Variants in SLC24A2 observed in about 807,000 individuals in gnomAD.
SLC24A2 encodes solute carrier family 24 member 2, also known as sodium/potassium/calcium exchanger 2.
SLC24A2 carries 36 observed loss-of-function variants against 62.0 expected under a neutral mutation model. The observed-to-expected ratio is 0.58, with a 90% CI of 0.44 to 0.77. The LOEUF is 0.77. SLC24A2 is among the 30% of genes least tolerant of loss of function. The pLI, the probability that SLC24A2 is intolerant of heterozygous loss-of-function variation, is 0.00. For synonymous variants in SLC24A2, 358 were observed against 294.0 expected (o/e 1.22, Z -2.23); for missense variants, 846 against 817.9 (o/e 1.03, Z -0.42).
the SLC24A2 span, among the ~76,000 whole-genome samples, chr9:19,892,929 T>G: frequency 1.3e-5 from 2 of 152,142 alleles, no homozygotes; most frequent in South Asian, 4.1e-4. Context: ...CCAAGTCCCC[T>G]TAGATCATGA....
chr9:19,516,364 C>T lies in SLC24A2; in HGVS notation c.1775G>A (p.Arg592Lys), dbSNP rs1230144899. 8 of 1,613,964 alleles carry T rather than the reference C, an allele frequency of 5.0e-6. No individual in the cohort carries two copies. The highest frequency in any genetic ancestry group is 6.8e-6 in the Non-Finnish European group (8 of 1,180,000). ...LPWLLYTVIH[R>K]FQPVAVSSNG... ...GCTGCTGACAGCCACTGGCTGGAAT[C>T]TGTGAATGACGGTGTACAGGAGCCA... Residue 592 changes from arginine (R) to lysine (K), a missense_variant, in exon 11 of 11, where the codon AGA (arginine) becomes AAA (lysine). Arg to Lys is a conservative substitution (Grantham distance 26, BLOSUM62 2). Transcript: ENST00000341998.
chr9:19,886,930 T>C, the SLC24A2 span, among the ~76,000 whole-genome samples: 1 of 152,182 alleles, frequency 6.6e-6, no homozygotes. Context: ...GCAGCCATTA[T>C]ACTCAGCAAA....
At chr9:19,837,405 T>C in the SLC24A2 span, among the ~76,000 whole-genome samples, 6 of 130,224 alleles carry the variant, frequency 4.6e-5, no homozygotes, top group East Asian at 7.0e-4. Flanking sequence ...TGAGCCGAGA[T>C]TGCGCCACTG....
At position 19,512,594 on chromosome 9, in the gene SLC24A2, A is replaced by T. The variant is rs1175019424; in HGVS notation, c.*3559T>A. Reference sequence around the variant, plus strand: ...GCATGGGCATTCTCAGATGCAATTTAGGAGTTTCTATTTGGGAATTGTCAG... The same window carrying T: ...GCATGGGCATTCTCAGATGCAATTTTGGAGTTTCTATTTGGGAATTGTCAG... On this transcript the variant is annotated 3_prime_UTR_variant, in exon 11 of 11. Coordinates refer to ENST00000341998, the MANE Select transcript of SLC24A2 (RefSeq NM_020344.4). 2 of 152,210 alleles carry T rather than the reference A, an allele frequency of 1.3e-5. No individual in the cohort carries two copies. Among genetic ancestry groups the T allele is most frequent in the Non-Finnish European group, 2.9e-5 (2 of 68,064 alleles). 9.4% of individuals were successfully genotyped at this position (152,210 alleles called of 1,614,324 possible).
At chr9:19,892,502 C>T in the SLC24A2 span, among the ~76,000 whole-genome samples, 1 of 152,182 alleles carries the variant, frequency 6.6e-6, no homozygotes, top group East Asian at 1.9e-4. Flanking sequence ...TAAATGTTTG[C>T]TGACTGCCTG....
At chr9:19,766,079 G>C (rs963360081) in intron 2 of SLC24A2, among the ~76,000 whole-genome samples, 5 of 151,786 alleles carry the variant, frequency 3.3e-5, no homozygotes, top group African/African-American at 7.3e-5. Context: ...TCTTCCACTT[G>C]ACCAGTTCGG....
At chr9:19,595,002 AG>A (rs766489069) in intron 5 of SLC24A2, among the ~76,000 whole-genome samples, 18 of 152,162 alleles carry the variant, frequency 1.2e-4, no homozygotes, top group Non-Finnish European at 1.9e-4. Flanking sequence ...TCTTTTTTCT[AG>A]TACTTGAGAG....
the SLC24A2 span, among the ~76,000 whole-genome samples, chr9:19,885,112 G>T: frequency 6.6e-6 from 1 of 152,102 alleles, no homozygotes; most frequent in African/African-American, 2.4e-5. Context: ...AGTGTATGTG[G>T]CCAACAGTGT....
At chr9:19,916,244 A>G in the SLC24A2 span, among the ~76,000 whole-genome samples, 3 of 151,840 alleles carry the variant, frequency 2.0e-5, no homozygotes, top group Non-Finnish European at 2.9e-5. Flanking sequence ...TGGACACTCA[A>G]CTCTATTCCA....
the SLC24A2 span, among the ~76,000 whole-genome samples, chr9:20,042,146 G>C: frequency 6.6e-6 from 1 of 152,196 alleles, no homozygotes; most frequent in Non-Finnish European, 1.5e-5. Context: ...GGGGTCAAGA[G>C]GGCACAGCTC....
the SLC24A2 span, among the ~76,000 whole-genome samples, chr9:20,219,210 G>C: frequency 6.6e-6 from 1 of 152,194 alleles, no homozygotes; most frequent in Non-Finnish European, 1.5e-5. Context: ...TGTGGAGAAG[G>C]CTGTGTATAC....
the SLC24A2 span, among the ~76,000 whole-genome samples, chr9:20,076,072 T>G: frequency 6.6e-6 from 1 of 152,190 alleles, no homozygotes; most frequent in Non-Finnish European, 1.5e-5. Context: ...TCTGAATGCT[T>G]TCCGTACAGA....
chr9:20,172,353 C>A, the SLC24A2 span, among the ~76,000 whole-genome samples: 2 of 151,774 alleles, frequency 1.3e-5, no homozygotes, highest in African/African-American at 4.8e-5. Flanking sequence ...AGTATCAGAG[C>A]AGAATTTAAT....
At chr9:19,731,235 A>C (rs1160859631) in intron 2 of SLC24A2, among the ~76,000 whole-genome samples, 1 of 152,228 alleles carries the variant, frequency 6.6e-6, no homozygotes, top group Non-Finnish European at 1.5e-5. Context: ...TCTCTGTCAT[A>C]AACTACTAGT....
chr9:20,098,036 T>C, the SLC24A2 span, among the ~76,000 whole-genome samples: 46 of 152,190 alleles, frequency 3.0e-4, no homozygotes, highest in Admixed American at 2.4e-3. Context: ...CCACCGCGCC[T>C]GGCCCGAATC....
chr9:20,155,340 A>G, the SLC24A2 span, among the ~76,000 whole-genome samples: 1 of 151,744 alleles, frequency 6.6e-6, no homozygotes, highest in East Asian at 1.9e-4. Flanking sequence ...ACGTATACAC[A>G]TAGAGAAAGC....
At chr9:19,720,700 C>CAAA (rs11455984) in intron 2 of SLC24A2, among the ~76,000 whole-genome samples, 2 of 137,234 alleles carry the variant, frequency 1.5e-5, no homozygotes, top group East Asian at 2.2e-4. Context: ...CCCCCCCCCC[C>CAAA]AAAAAAAATC....
At chr9:20,025,100 C>T in the SLC24A2 span, among the ~76,000 whole-genome samples, 58 of 152,252 alleles carry the variant, frequency 3.8e-4, 1 homozygote, top group Non-Finnish European at 7.8e-4. Flanking sequence ...TAAATGTTCA[C>T]GAACAATACT....
the SLC24A2 span, among the ~76,000 whole-genome samples, chr9:19,798,143 G>T: frequency 6.6e-6 from 1 of 151,974 alleles, no homozygotes; most frequent in Non-Finnish European, 1.5e-5. Context: ...CATTTTAGTT[G>T]CTTGAAGTAT....
Sources: allele counts gnomAD v4.1 joint callset (sites outside exome capture counted in the v4.1 genomes callset), GRCh38; gene constraint gnomAD v4.1.1; transcripts MANE v1.5; gene names NCBI Gene and HGNC (gene_info 2026-07-23, HGNC 2026-07-21).